Variants in SLC25A24 observed in about 807,000 individuals in gnomAD.
SLC25A24 encodes the protein mitochondrial adenyl nucleotide antiporter SLC25A24.
A neutral mutation model predicts 60.7 loss-of-function variants in SLC25A24; 49 were observed. That is an observed-to-expected ratio of 0.81 (90% CI 0.64 to 1.02). SLC25A24 has a LOEUF of 1.02. SLC25A24 is among the 50% of genes least tolerant of loss of function. The pLI is 0.00. For synonymous variants in SLC25A24, 202 were observed against 200.6 expected (o/e 1.01, Z -0.06); for missense variants, 564 against 586.3 (o/e 0.96, Z 0.39).
At chr1:108,139,424 ATTC>A (rs1454035475) in intron 8 of SLC25A24, among the ~76,000 whole-genome samples, 8 of 152,220 alleles carry the variant, frequency 5.3e-5, no homozygotes, top group Non-Finnish European at 1.0e-4. Context: ...GGTTACTGAC[ATTC>A]TTCTAAACAA....
intron 3 of SLC25A24, among the ~76,000 whole-genome samples, chr1:108,162,569 T>C (rs1241349094): frequency 6.6e-6 from 1 of 151,954 alleles, no homozygotes; most frequent in East Asian, 1.9e-4. Context: ...TTTTCATGTG[T>C]TTTTTGGCTG....
chr1:108,159,131 T>C (rs1239628845), intron 4 of SLC25A24, among the ~76,000 whole-genome samples: 3 of 152,242 alleles, frequency 2.0e-5, no homozygotes, highest in Non-Finnish European at 4.4e-5. Flanking sequence ...AGAATATTAA[T>C]GAAACAATCA....
chr1:108,181,122 G>C (rs1479568016), intron 3 of SLC25A24, among the ~76,000 whole-genome samples: 5 of 151,596 alleles, frequency 3.3e-5, no homozygotes, highest in African/African-American at 1.2e-4. Context: ...TTGAGACTTT[G>C]AGCCTTCCTC....
intron 9 of SLC25A24, among the ~76,000 whole-genome samples, 195 bp downstream of exon 9, chr1:108,138,863 G>T (rs1328237182): frequency 6.6e-6 from 1 of 152,058 alleles, no homozygotes; most frequent in African/African-American, 2.4e-5. Flanking sequence ...TGCTTCTGTC[G>T]CATTAAAATT....
At chr1:108,149,477 CA>C (rs945438266) in intron 6 of SLC25A24, among the ~76,000 whole-genome samples, 111 of 152,114 alleles carry the variant, frequency 7.3e-4, no homozygotes, top group African/African-American at 2.6e-3. Context: ...GAAAGGATTA[CA>C]AAAAAATAAT....
intron 3 of SLC25A24, among the ~76,000 whole-genome samples, chr1:108,173,777 T>G (rs557718): frequency 6.6e-5 from 10 of 152,050 alleles, no homozygotes; most frequent in Non-Finnish European, 8.8e-5. Context: ...AAAATGCTGA[T>G]AGTAATATGG....
In SLC25A24 at chr1:108,185,921, C is replaced by A; in HGVS notation, c.217G>T (p.Gly73Trp). Residue 73 changes from glycine to tryptophan, a missense_variant, in exon 2 of 10, where the codon GGG becomes TGG. Coordinates refer to ENST00000565488, the MANE Select transcript of SLC25A24 (RefSeq NM_013386.5). ...IFTTGDVNKD[G>W]KLDFEEFMKY... ...ATAAATTCTTCAAAATCCAGCTTCC[C>A]ATCTTTGTTGACATCTCCAGTAGTA... The A allele has an allele frequency of 6.3e-7, 1 of 1,598,154 alleles. No individual in the cohort carries two copies. The highest frequency in any genetic ancestry group is 8.5e-7 in the Non-Finnish European group (1 of 1,169,934).
chr1:108,134,869 T>C lies in SLC25A24; in HGVS notation c.*1784A>G, dbSNP rs1679239828. 1 of 152,148 alleles carries C rather than the reference T, an allele frequency of 6.6e-6. No homozygotes were observed. Among genetic ancestry groups the C allele is most frequent in the African/African-American group, 2.4e-5 (1 of 41,458 alleles). The allele number at this position is 152,148 out of a possible 1,614,324, so 9.4% of individuals were successfully genotyped here. ...TTTGATAGAAACTGTAAGTAAATAT[T>C]CAGTACTACCAGAAATATACTATCT... On this transcript the variant is annotated 3_prime_UTR_variant, in exon 10 of 10. Coordinates refer to ENST00000565488, the MANE Select transcript of SLC25A24 (RefSeq NM_013386.5).
intron 3 of SLC25A24, among the ~76,000 whole-genome samples, chr1:108,170,550 T>A (rs1647427275): frequency 6.6e-6 from 1 of 152,138 alleles, no homozygotes; most frequent in Non-Finnish European, 1.5e-5. Context: ...CAGGAAGAAT[T>A]GTGTTAAAAT....
At chr1:108,195,204 A>C (rs1183594578) in intron 1 of SLC25A24, among the ~76,000 whole-genome samples, 1 of 152,194 alleles carries the variant, frequency 6.6e-6, no homozygotes. Flanking sequence ...TGGAATACCG[A>C]TAAAGAAAGT....
At chr1:108,155,944 CCACTA>C (rs1679885418) in intron 5 of SLC25A24, among the ~76,000 whole-genome samples, 1 of 126,410 alleles carries the variant, frequency 7.9e-6, no homozygotes, top group Admixed American at 8.2e-5. Context: ...GGGGTGACTA[CCACTA>C]AACACACACA....
chr1:108,194,620 G>C (rs1310089334), intron 1 of SLC25A24, among the ~76,000 whole-genome samples: 2 of 93,096 alleles, frequency 2.1e-5, no homozygotes, highest in Non-Finnish European at 5.0e-5. Flanking sequence ...TCTGCTTTTT[G>C]AAATTACCCT....
At chr1:108,169,331 A>T (rs829006) in intron 3 of SLC25A24, among the ~76,000 whole-genome samples, 1 of 151,916 alleles carries the variant, frequency 6.6e-6, no homozygotes, top group African/African-American at 2.4e-5. Flanking sequence ...AGCTTGACAA[A>T]TTCCTCAAAA....
chr1:108,182,982 T>C (rs138609187), intron 2 of SLC25A24, among the ~76,000 whole-genome samples: 4 of 151,900 alleles, frequency 2.6e-5, no homozygotes, highest in East Asian at 3.9e-4. Flanking sequence ...GAAGAGAAAA[T>C]AGAAAATAAA....
chr1:108,173,917 G>A (rs1363482084), intron 3 of SLC25A24, among the ~76,000 whole-genome samples: 1 of 152,100 alleles, frequency 6.6e-6, no homozygotes, highest in Non-Finnish European at 1.5e-5. Flanking sequence ...AGAGATCTGT[G>A]GAACTTTGAA....
intron 7 of SLC25A24, among the ~76,000 whole-genome samples, chr1:108,145,196 G>C (rs1266751131): frequency 2.6e-5 from 4 of 152,246 alleles, no homozygotes; most frequent in Non-Finnish European, 4.4e-5. Flanking sequence ...TCTCACGTTT[G>C]TTGGCTGCAT....
chr1:108,190,092 GT>G (rs1244941093), intron 1 of SLC25A24, among the ~76,000 whole-genome samples: 4 of 152,064 alleles, frequency 2.6e-5, no homozygotes, highest in Non-Finnish European at 4.4e-5. Flanking sequence ...CTTGGCCCGA[GT>G]TTGCTATAGC....
At chr1:108,145,022 C>T (rs1416844740) in intron 7 of SLC25A24, among the ~76,000 whole-genome samples, 1 of 152,170 alleles carries the variant, frequency 6.6e-6, no homozygotes, top group Admixed American at 6.6e-5. Context: ...TTCCACAATG[C>T]TTGAACTAAT....
Position 108,148,304 on chromosome 1 carries a change from G to GCA in SLC25A24, c.903_904dup (p.Ala302ValfsTer12), listed in dbSNP as rs745682105. ...CTCCATTGGATATATAAAAGTCTGTGCAGTTGCTCCAGCCATGGAACCAGA... is the reference window on the plus strand; with the variant it reads ...CTCCATTGGATATATAAAAGTCTGTGCACAGTTGCTCCAGCCATGGAACCAGA... On this transcript the variant is annotated frameshift_variant, in exon 7 of 10. Coordinates refer to ENST00000565488, the MANE Select transcript of SLC25A24 (RefSeq NM_013386.5). LOFTEE classifies it high-confidence loss of function. 13 of 1,610,258 alleles carry GCA rather than the reference G, an allele frequency of 8.1e-6. No homozygotes were observed. In the African/African-American group the frequency reaches 1.5e-4, roughly 18 times the overall value.
Sources: allele counts gnomAD v4.1 joint callset (sites outside exome capture counted in the v4.1 genomes callset), GRCh38; gene constraint gnomAD v4.1.1; transcripts MANE v1.5; gene names NCBI Gene and HGNC (gene_info 2026-07-23, HGNC 2026-07-21).